Variants in ADAM12 observed in about 807,000 individuals in gnomAD.
ADAM12 encodes the protein ADAM metallopeptidase domain 12.
ADAM12 carries 70 observed loss-of-function variants against 106.4 expected under a neutral mutation model. The ratio of observed to expected loss-of-function variants is 0.66; its 90% CI spans 0.54 to 0.80. The LOEUF (loss-of-function observed/expected upper bound fraction) is 0.80, where lower values mean the gene tolerates loss of function less well. Ranked by LOEUF, ADAM12 falls within the 30% of genes least tolerant of loss-of-function variation. ADAM12 has a pLI of 0.00. For synonymous variants in ADAM12, 420 were observed against 433.5 expected (o/e 0.97, Z 0.39); for missense variants, 1,010 against 1,171.9 (o/e 0.86, Z 2.02).
In ADAM12 at chr10:126,053,714, A is replaced by AT. The variant is rs1381044987; in HGVS notation, c.1610-4046dup. Among the ~76,000 whole-genome samples, 3 of 150,940 alleles carry AT rather than the reference A, an allele frequency of 2.0e-5. No individual in the cohort carries two copies. The highest frequency in any genetic ancestry group is 1.3e-4 in the Admixed American group (2 of 15,132). ...CGTTTCCTTTGGTCTCAGTCTTTTT[A>AT]TTTTTTTTGAGAGAGAGTTTCGCTC... On this transcript the variant is annotated intron_variant, in intron 14 of 22. Coordinates refer to ENST00000448723, the MANE Select transcript of ADAM12 (RefSeq NM_001288973.2). This position sits in a 1 kb window ranked among gnomAD's most constrained non-coding sequence, Gnocchi z 4.6.
At position 126,098,460 on chromosome 10, in the gene ADAM12, T is replaced by G. The variant is rs369193164; in HGVS notation, c.952A>C (p.Ile318Leu). 6.2e-7 allele frequency: 1 copy of G among 1,614,186 alleles called. No individual in the cohort carries two copies. The highest frequency in any genetic ancestry group is 8.5e-7 in the Non-Finnish European group (1 of 1,180,006). Residue 318 changes from isoleucine to leucine, a missense_variant, in exon 10 of 23, where the codon ATC becomes CTC. This residue lies in a region of ADAM12 where 391 missense variants were observed against 442.9 expected (regional missense o/e 0.88). Transcript: ENST00000448723. ...FQGTTIGMAP[I>L]MSMCTADQSG... Reference sequence around the variant, plus strand: ...TGGTCTGCCGTGCACATGCTCATGATTGGGGCCATGCCGATGGTGGTCCCT... The same window carrying G: ...TGGTCTGCCGTGCACATGCTCATGAGTGGGGCCATGCCGATGGTGGTCCCT...
intron 2 of ADAM12, among the ~76,000 whole-genome samples, chr10:126,329,915 A>G (rs888035824): frequency 3.9e-5 from 6 of 152,324 alleles, no homozygotes; most frequent in African/African-American, 1.4e-4. Flanking sequence ...AAGATATTAA[A>G]TTTAATCACT....
chr10:126,014,426 GCC>G lies in ADAM12; in HGVS notation c.*2851_*2852del, dbSNP rs5788757. 0.37 allele frequency: 52,242 copies of G among 141,300 alleles called. 9,845 individuals are homozygous for G. The highest frequency in any genetic ancestry group is 0.47 in the South Asian group (1,931 of 4,104). The allele number at this position is 141,300 out of a possible 1,614,324, so 8.8% of individuals were successfully genotyped here. On this transcript the variant is annotated 3_prime_UTR_variant, in exon 23 of 23. Coordinates refer to ENST00000448723, the MANE Select transcript of ADAM12 (RefSeq NM_001288973.2). The stretch of plus-strand genomic sequence containing the variant: ...CATAAAGTTAAGAAGGCATAAAAAT[GCC>G]CCCCCCCCGAGACTCGTCAGGAGTA...
At chr10:126,224,185 C>A (rs1318608871) in intron 3 of ADAM12, among the ~76,000 whole-genome samples, 2 of 151,994 alleles carry the variant, frequency 1.3e-5, no homozygotes, top group African/African-American at 4.8e-5. Context: ...CCAGAGAGGG[C>A]CTGACTTGGG....
chr10:126,204,056 G>A (rs1957751934), intron 3 of ADAM12, among the ~76,000 whole-genome samples: 1 of 152,198 alleles, frequency 6.6e-6, no homozygotes, highest in African/African-American at 2.4e-5. Context: ...AGCTGCCAAT[G>A]CAAGGCTGCC....
chr10:126,103,434 T>A (rs754707994), intron 8 of ADAM12, among the ~76,000 whole-genome samples: 2 of 152,258 alleles, frequency 1.3e-5, no homozygotes, highest in African/African-American at 4.8e-5. Context: ...ACAGGCATGA[T>A]GCCACGGTGG....
chr10:126,213,928 A>G (rs748409953), intron 3 of ADAM12, among the ~76,000 whole-genome samples: 1 of 152,234 alleles, frequency 6.6e-6, no homozygotes, highest in Non-Finnish European at 1.5e-5. Flanking sequence ...GCAGCTTTCC[A>G]AACTGAGATG....
chr10:126,094,242 TAATTCCTTA>T, intron 10 of ADAM12, 109 bp from the exon 11 acceptor site: 1 of 1,087,716 alleles, frequency 9.2e-7, no homozygotes, highest in Non-Finnish European at 1.3e-6. Context: ...TGACTTAATG[TAATTCCTTA>T]TAAGGGACCA....
In ADAM12 at chr10:126,036,312, C is replaced by A. The variant is rs141384670; in HGVS notation, c.2363G>T (p.Arg788Ile). 11 of 1,567,254 alleles carry A rather than the reference C, an allele frequency of 7.0e-6. No individual in the cohort carries two copies. In the African/African-American group the frequency reaches 1.1e-4, roughly 16 times the overall value. The stretch of plus-strand genomic sequence containing the variant: ...GTCAACATTCTGACACTGCAGCAAT[C>A]TCCTGGGATTGTCCTGTACAGTCAA... ...DSYPPKDNPR[R>I]LLQCQNVDIS... Residue 788 changes from arginine (R) to isoleucine (I), a missense_variant, in exon 21 of 23, where the codon AGA becomes ATA. Around this residue, in one of 3 missense-constraint regions of ADAM12, gnomAD observed 615 missense variants for 708.5 expected, o/e 0.87. Coordinates refer to ENST00000448723, the MANE Select transcript of ADAM12 (RefSeq NM_001288973.2).
At position 126,064,705 on chromosome 10, in the gene ADAM12, G is replaced by A. The variant is rs1278278; in HGVS notation, c.1609+101C>T. 0.27 allele frequency: 350,724 copies of A among 1,286,390 alleles called. 56,707 individuals carry two copies. Among genetic ancestry groups the A allele is most frequent in the East Asian group, 0.57 (22,636 of 39,458 alleles). The allele number at this position is 1,286,390 out of a possible 1,614,324, so 79.7% of individuals were successfully genotyped here. ...ACCGGATGCTGTGTGGACAGCGCCCGCCAGGAGTGGGGGCTAACCAAAACA... is the reference window on the plus strand; with the variant it reads ...ACCGGATGCTGTGTGGACAGCGCCCACCAGGAGTGGGGGCTAACCAAAACA... On this transcript the variant is annotated intron_variant, in intron 14 of 22. Transcript: ENST00000448723. This position sits in a 1 kb window ranked among gnomAD's most constrained non-coding sequence, Gnocchi z 4.4.
At chr10:126,169,358 C>T (rs541221194) in intron 3 of ADAM12, among the ~76,000 whole-genome samples, 5 of 152,332 alleles carry the variant, frequency 3.3e-5, no homozygotes, top group South Asian at 4.1e-4. Flanking sequence ...TGCCATTTCT[C>T]ATTTATTTGC....
rs1488533632 is a variant in ADAM12 at position 126,015,771 on chromosome 10, A to C, written c.*1508T>G. 3 of 152,246 alleles carry C rather than the reference A, an allele frequency of 2.0e-5. No homozygotes were observed. The highest frequency in any genetic ancestry group is 4.4e-5 in the Non-Finnish European group (3 of 68,044). 9.4% of individuals were successfully genotyped at this position (152,246 alleles called of 1,614,324 possible). A position where few individuals can be genotyped will look rare whatever the true frequency, so the allele number is the denominator to read the frequency against. ...TCTCATAAAACACTCAGAGTGAATT[A>C]TGTAACTGTTGTCAATTGTCTTCTA... is the stretch of plus-strand genomic sequence containing the variant. On this transcript the variant is annotated 3_prime_UTR_variant, in exon 23 of 23. Transcript: ENST00000448723.
intron 1 of ADAM12, among the ~76,000 whole-genome samples, chr10:126,366,736 C>A (rs561370508): frequency 6.6e-6 from 1 of 152,050 alleles, no homozygotes; most frequent in East Asian, 1.9e-4. Context: ...AAATGCTCTG[C>A]GCATACATAT....
intron 3 of ADAM12, among the ~76,000 whole-genome samples, chr10:126,201,356 A>T (rs1011731367): frequency 1.3e-5 from 2 of 152,130 alleles, no homozygotes; most frequent in South Asian, 4.1e-4. Flanking sequence ...GACGAAACAG[A>T]GATACAGAAG....
chr10:126,279,205 G>A (rs1445527700), intron 2 of ADAM12, among the ~76,000 whole-genome samples: 1 of 152,050 alleles, frequency 6.6e-6, no homozygotes, highest in Admixed American at 6.6e-5. Context: ...TTGAGTCCAG[G>A]AGTTTGAGAC....
At chr10:126,186,312 G>C (rs1240133632) in intron 3 of ADAM12, among the ~76,000 whole-genome samples, 1 of 152,202 alleles carries the variant, frequency 6.6e-6, no homozygotes, top group Non-Finnish European at 1.5e-5. Context: ...GGAAGAAAAA[G>C]TGAGAGTCTA....
At chr10:126,047,627 TAA>T (rs3067333) in intron 16 of ADAM12, among the ~76,000 whole-genome samples, 2,837 of 152,186 alleles carry the variant, frequency 0.019, 85 homozygotes, top group African/African-American at 0.065. Context: ...TGGCTGTTAT[TAA>T]AAAGTCAAAA....
chr10:126,187,409 C>A (rs529641783), intron 3 of ADAM12, among the ~76,000 whole-genome samples: 1 of 152,116 alleles, frequency 6.6e-6, no homozygotes, highest in Non-Finnish European at 1.5e-5. Context: ...TGATTTCAAC[C>A]TTCCTTCTAG....
intron 3 of ADAM12, among the ~76,000 whole-genome samples, chr10:126,243,373 C>T (rs777780087): frequency 2.0e-5 from 3 of 152,168 alleles, no homozygotes; most frequent in Non-Finnish European, 4.4e-5. Flanking sequence ...TGATCTCTTA[C>T]TCTGTTCTCA....
Sources: allele counts gnomAD v4.1 joint callset (sites outside exome capture counted in the v4.1 genomes callset), GRCh38; gene constraint gnomAD v4.1.1; regional missense constraint gnomAD v4.1.1; non-coding constraint Gnocchi (gnomAD v3.1); transcripts MANE v1.5; gene names NCBI Gene and HGNC (gene_info 2026-07-23, HGNC 2026-07-21).